Variants in HMCN1 observed in about 807,000 individuals in gnomAD.
HMCN1 encodes the protein hemicentin-1.
Under a neutral mutation model 625.9 loss-of-function variants are expected in HMCN1, and 321 were observed. The observed-to-expected ratio is 0.51, with a 90% CI of 0.47 to 0.56. The LOEUF is 0.56. Among genes scored for constraint, HMCN1 ranks in the 20% least tolerant of loss-of-function variants. HMCN1 has a pLI of 0.00. For synonymous variants in HMCN1, 2,425 were observed against 2,417.6 expected (o/e 1.00, Z -0.09); for missense variants, 6,588 against 6,887.3 (o/e 0.96, Z 1.54).
intron 39 of HMCN1, among the ~76,000 whole-genome samples, 174 bp from the exon 40 acceptor site, chr1:186,040,839 C>G (rs1656153661): frequency 6.6e-6 from 1 of 152,046 alleles, no homozygotes; most frequent in African/African-American, 2.4e-5. Flanking sequence ...CATCCTTCCA[C>G]TGAGAAGATG....
chr1:185,872,515 G>T (rs1350134870), intron 4 of HMCN1, among the ~76,000 whole-genome samples: 1 of 152,138 alleles, frequency 6.6e-6, no homozygotes, highest in Non-Finnish European at 1.5e-5. Flanking sequence ...CATTTAAAGA[G>T]TACATAGTAC....
intron 80 of HMCN1, among the ~76,000 whole-genome samples, chr1:186,122,315 G>A (rs957790832): frequency 5.3e-5 from 8 of 152,168 alleles, no homozygotes; most frequent in South Asian, 2.1e-4. Context: ...ATAGTGATGC[G>A]TTACAACTGA....
intron 19 of HMCN1, among the ~76,000 whole-genome samples, chr1:185,985,019 A>T (rs1448979176): frequency 6.6e-6 from 1 of 152,184 alleles, no homozygotes; most frequent in Non-Finnish European, 1.5e-5. Context: ...AAGTACTACA[A>T]AATACTTATT....
chr1:185,886,694 T>G (rs779247049), intron 4 of HMCN1, among the ~76,000 whole-genome samples: 26 of 152,124 alleles, frequency 1.7e-4, no homozygotes, highest in African/African-American at 6.0e-4. Context: ...TACACTCCAA[T>G]GTCAGCTCTC....
intron 103 of HMCN1, chr1:186,177,319 A>AG (rs543291431): frequency 0.1 from 15,179 of 150,652 alleles, 1,004 homozygotes; most frequent in Middle Eastern, 0.16. Context: ...AAAAAAAAAA[A>AG]AGAGAGAGCA....
chr1:185,751,842 CT>C (rs1654835625), intron 1 of HMCN1, among the ~76,000 whole-genome samples: 1 of 151,786 alleles, frequency 6.6e-6, no homozygotes, highest in East Asian at 1.9e-4. Flanking sequence ...CTTTTCAAAT[CT>C]GCTTATTTTT....
chr1:185,797,742 G>A (rs1387871980), intron 1 of HMCN1, among the ~76,000 whole-genome samples: 3 of 128,434 alleles, frequency 2.3e-5, no homozygotes, highest in African/African-American at 5.0e-5. Flanking sequence ...CGAGGCGGGC[G>A]GATCACGAGG....
Position 186,090,871 on chromosome 1 carries a change from C to A in HMCN1, c.9841C>A (p.Leu3281Ile). The A allele has an allele frequency of 6.2e-7, 1 of 1,612,394 alleles. No individual in the cohort carries two copies. The change falls in exon 64 of 107, where the codon CTT becomes ATT. Residue 3281 changes from leucine to isoleucine, a missense_variant. Physicochemically the swap from Leu to Ile is conservative, Grantham distance 5. Coordinates refer to ENST00000271588, the MANE Select transcript of HMCN1 (RefSeq NM_031935.3). ...NGIPTPLIQWLKDGKPIASGE... is the reference protein window; with the variant it reads ...NGIPTPLIQWIKDGKPIASGE... ...CATTCCTACTCCACTTATTCAATGG[C>A]TTAAAGATGGAAAGCCCATAGCTAG...
intron 96 of HMCN1, 57 bp downstream of exon 96, chr1:186,152,928 G>T: frequency 1.2e-6 from 2 of 1,604,840 alleles, no homozygotes; most frequent in Non-Finnish European, 1.7e-6. Flanking sequence ...TGAGTGAAAG[G>T]TCCATAGAAT....
intron 30 of HMCN1, among the ~76,000 whole-genome samples, chr1:186,011,279 T>G (rs1653985164): frequency 6.6e-6 from 1 of 152,160 alleles, no homozygotes; most frequent in African/African-American, 2.4e-5. Flanking sequence ...ACTCCTGACC[T>G]CGTGATCCGC....
intron 2 of HMCN1, among the ~76,000 whole-genome samples, chr1:185,859,735 G>C (rs1022502292): frequency 6.6e-6 from 1 of 151,950 alleles, no homozygotes; most frequent in Non-Finnish European, 1.5e-5. Context: ...GTGCGATCTC[G>C]ATTCACTGCA....
At chr1:185,812,993 A>T (rs1272613046) in intron 1 of HMCN1, among the ~76,000 whole-genome samples, 2 of 152,166 alleles carry the variant, frequency 1.3e-5, no homozygotes, top group East Asian at 3.8e-4. Context: ...TTTTCTCATG[A>T]GAGGACTTCC....
chr1:185,756,299 G>A (rs1242661418), intron 1 of HMCN1, among the ~76,000 whole-genome samples: 8 of 151,976 alleles, frequency 5.3e-5, no homozygotes, highest in Admixed American at 5.2e-4. Flanking sequence ...TCAGTTTCCT[G>A]TTCATACCTT....
Position 185,911,660 on chromosome 1 carries a change from G to A in HMCN1, c.794-14G>A, listed in dbSNP as rs773521957. 2 of 1,556,960 alleles carry A rather than the reference G, an allele frequency of 1.3e-6. No individual in the cohort carries two copies. Among genetic ancestry groups the A allele is most frequent in the Non-Finnish European group, 1.8e-6 (2 of 1,128,232 alleles). Reference sequence around the variant, plus strand: ...GAAGGATTGTGCTTGTTACCTTTATGTTCTGTCTTTCAGGGAAGCTGATAA... The same window carrying A: ...GAAGGATTGTGCTTGTTACCTTTATATTCTGTCTTTCAGGGAAGCTGATAA... On this transcript the variant is annotated splice_polypyrimidine_tract_variant and intron_variant, in intron 5 of 106. Coordinates refer to ENST00000271588, the MANE Select transcript of HMCN1 (RefSeq NM_031935.3).
In HMCN1 at chr1:186,113,410, A is replaced by G. The variant is rs192974866; in HGVS notation, c.11131+457A>G. On this transcript the variant is annotated intron_variant, in intron 72 of 106. Transcript: ENST00000271588. ...ATAATATAGACTTTTCCTCAAAACA[A>G]TCTATTGGATATTTAATATATAAAA... Among the ~76,000 whole-genome samples the G allele has an allele frequency of 2.9e-3, 448 of 152,320 alleles. 4 individuals are homozygous for G. The highest frequency in any genetic ancestry group is 2.1e-3 in the South Asian group (10 of 4,826).
intron 38 of HMCN1, among the ~76,000 whole-genome samples, chr1:186,039,286 G>C (rs1656045541): frequency 2.0e-5 from 3 of 152,074 alleles, no homozygotes; most frequent in African/African-American, 7.2e-5. Flanking sequence ...AATGCTCTCT[G>C]AAAGAATCAT....
At chr1:186,022,940 T>C (rs1270809948) in intron 35 of HMCN1, 90 bp from the exon 36 acceptor site, 8 of 1,299,968 alleles carry the variant, frequency 6.2e-6, no homozygotes, top group Non-Finnish European at 8.9e-6. Context: ...TTAGATATTA[T>C]AAATTTAAAT....
At chr1:186,069,386 A>G (rs144030825) in intron 50 of HMCN1, among the ~76,000 whole-genome samples, 2 of 152,340 alleles carry the variant, frequency 1.3e-5, no homozygotes, top group East Asian at 3.9e-4. Flanking sequence ...GAAAGACCTT[A>G]TGAAGGATCT....
At chr1:186,174,141 G>C (rs981248918) in intron 102 of HMCN1, among the ~76,000 whole-genome samples, 2 of 152,198 alleles carry the variant, frequency 1.3e-5, no homozygotes, top group East Asian at 1.9e-4. Flanking sequence ...GGGATGTCCA[G>C]CTAGCAGCTA....
Sources: allele counts gnomAD v4.1 joint callset (sites outside exome capture counted in the v4.1 genomes callset), GRCh38; gene constraint gnomAD v4.1.1; transcripts MANE v1.5; gene names NCBI Gene and HGNC (gene_info 2026-07-23, HGNC 2026-07-21).